DGKI: variants seen among roughly 807,000 people sequenced by gnomAD.
DGKI encodes the protein DAG kinase iota.
In DGKI, 55 loss-of-function variants were observed where a neutral mutation model predicts 147.5. The observed-to-expected ratio is 0.37, with a 90% CI of 0.30 to 0.47. The LOEUF is 0.47. Among genes scored for constraint, DGKI ranks in the 20% least tolerant of loss-of-function variants. The pLI is 1.00. For missense variants in DGKI, 1,007 were observed against 1,323.8 expected (o/e 0.76, Z 3.71); for synonymous variants, 469 against 477.1 (o/e 0.98, Z 0.22).
At chr7:137,655,293 G>A (rs1822178466) in intron 4 of DGKI, among the ~76,000 whole-genome samples, 1 of 151,838 alleles carries the variant, frequency 6.6e-6, no homozygotes, top group Non-Finnish European at 1.5e-5. Context: ...CCGCCTCCTG[G>A]ATTCAAGCAA....
intron 3 of DGKI, among the ~76,000 whole-genome samples, chr7:137,656,757 C>T (rs1466821601): frequency 6.6e-6 from 1 of 152,182 alleles, no homozygotes; most frequent in Non-Finnish European, 1.5e-5. Context: ...TCCACATCTG[C>T]ATGATTTAGG....
At chr7:137,444,322 T>C (rs1048855115) in intron 27 of DGKI, among the ~76,000 whole-genome samples, 32 of 152,324 alleles carry the variant, frequency 2.1e-4, no homozygotes, top group African/African-American at 7.0e-4. Context: ...TATCAGTCTA[T>C]GCATGGTGTC....
intron 19 of DGKI, among the ~76,000 whole-genome samples, chr7:137,560,479 A>G (rs1818382817): frequency 6.6e-6 from 1 of 152,186 alleles, no homozygotes. Flanking sequence ...CATAAATGCA[A>G]AGAAAACCAC....
chr7:137,488,657 A>T (rs1020387841), intron 21 of DGKI, among the ~76,000 whole-genome samples: 9 of 152,332 alleles, frequency 5.9e-5, no homozygotes, highest in South Asian at 4.1e-4. Context: ...GTGTTCTCTA[A>T]GAATTTTTTA....
intron 1 of DGKI, among the ~76,000 whole-genome samples, chr7:137,806,439 C>A (rs1797365870): frequency 6.7e-6 from 1 of 149,638 alleles, no homozygotes; most frequent in Non-Finnish European, 1.5e-5. Context: ...ACCTTTGCTT[C>A]TTTTTTTTTT....
chr7:137,474,957 T>A (rs1338597488), intron 23 of DGKI, among the ~76,000 whole-genome samples: 1 of 152,136 alleles, frequency 6.6e-6, no homozygotes, highest in African/African-American at 2.4e-5. Context: ...AGGGTTCTTT[T>A]GAGGAATTAA....
At chr7:137,433,812 C>A (rs1813174788) in intron 28 of DGKI, among the ~76,000 whole-genome samples, 1 of 152,198 alleles carries the variant, frequency 6.6e-6, no homozygotes, top group Non-Finnish European at 1.5e-5. Context: ...CCCTTCTCAT[C>A]TTTCCACTTA....
At chr7:137,545,775 C>T (rs1817842833) in intron 20 of DGKI, 1 of 509,236 alleles carries the variant, frequency 2.0e-6, no homozygotes, top group Non-Finnish European at 3.5e-6. Flanking sequence ...CAACAGAAAG[C>T]AATTCTGGTG....
In DGKI at chr7:137,393,390, C is replaced by T. The variant is rs559564019; in HGVS notation, c.3058-2054G>A. Among the ~76,000 whole-genome samples the T allele has an allele frequency of 1.2e-4, 18 of 152,224 alleles. No individual in the cohort carries two copies. The East Asian group carries it at 2.3e-3, about 20-fold the overall frequency. On this transcript the variant is annotated intron_variant, in intron 32 of 32. Coordinates refer to ENST00000614521, the MANE Select transcript of DGKI (RefSeq NM_001321708.2). ...TTTGGTTTGTCCCTCTTTTTCATGGCTTCTCTCTGTTTTTAAAATGATCTG... is the reference window on the plus strand; with the variant it reads ...TTTGGTTTGTCCCTCTTTTTCATGGTTTCTCTCTGTTTTTAAAATGATCTG...
intron 18 of DGKI, 47 bp downstream of exon 18, chr7:137,572,718 A>C (rs894839718): frequency 3.0e-6 from 4 of 1,323,850 alleles, no homozygotes; most frequent in Non-Finnish European, 4.2e-6. Flanking sequence ...GATAACCTCA[A>C]GTCAGAGTTC....
intron 19 of DGKI, among the ~76,000 whole-genome samples, chr7:137,567,634 C>T (rs537147600): frequency 4.6e-5 from 7 of 152,076 alleles, no homozygotes; most frequent in Non-Finnish European, 8.8e-5. Context: ...TATCAACCAA[C>T]CACAATGTGT....
intron 21 of DGKI, among the ~76,000 whole-genome samples, chr7:137,501,062 C>T (rs1035704133): frequency 6.6e-6 from 1 of 152,122 alleles, no homozygotes; most frequent in African/African-American, 2.4e-5. Flanking sequence ...CTATTCTACT[C>T]TCTACCTTCA....
intron 1 of DGKI, among the ~76,000 whole-genome samples, chr7:137,716,738 G>A (rs114635568): frequency 0.014 from 2,076 of 152,196 alleles, 54 homozygotes; most frequent in African/African-American, 0.048. Flanking sequence ...CCTTCTGTCC[G>A]AATTCCCCAA....
chr7:137,715,569 C>A (rs1348532100), intron 1 of DGKI, among the ~76,000 whole-genome samples: 1 of 152,116 alleles, frequency 6.6e-6, no homozygotes, highest in African/African-American at 2.4e-5. Context: ...TAAATGGAGT[C>A]TTGTAGAATC....
At chr7:137,649,300 C>T (rs114858821) in intron 5 of DGKI, among the ~76,000 whole-genome samples, 2,207 of 152,260 alleles carry the variant, frequency 0.014, 33 homozygotes, top group South Asian at 0.052. Flanking sequence ...ATTTCTCACA[C>T]TCTTTTCTTT....
intron 2 of DGKI, among the ~76,000 whole-genome samples, chr7:137,684,966 T>C (rs1268424999): frequency 2.0e-5 from 3 of 152,180 alleles, no homozygotes; most frequent in Non-Finnish European, 4.4e-5. Context: ...CACACAGCCC[T>C]GCCTCCTTCT....
intron 3 of DGKI, among the ~76,000 whole-genome samples, chr7:137,665,994 C>T (rs1049544258): frequency 1.3e-5 from 2 of 152,122 alleles, no homozygotes; most frequent in Non-Finnish European, 2.9e-5. Context: ...TCAAAGCTAA[C>T]GTTCATGACT....
chr7:137,829,624 T>TA (rs1214563622), intron 1 of DGKI, among the ~76,000 whole-genome samples: 1 of 152,220 alleles, frequency 6.6e-6, no homozygotes, highest in Non-Finnish European at 1.5e-5. Flanking sequence ...TTAGTTTACT[T>TA]AATTAGTTTT....
chr7:137,415,399 T>A (rs927653763), intron 28 of DGKI, among the ~76,000 whole-genome samples: 2 of 152,198 alleles, frequency 1.3e-5, no homozygotes, highest in Admixed American at 1.3e-4. Flanking sequence ...TACGGGAGGA[T>A]GTGCAAAGGC....
Sources: allele counts gnomAD v4.1 joint callset (sites outside exome capture counted in the v4.1 genomes callset), GRCh38; gene constraint gnomAD v4.1.1; transcripts MANE v1.5; gene names NCBI Gene and HGNC (gene_info 2026-07-23, HGNC 2026-07-21).